SWAP70: variants seen among roughly 807,000 people sequenced by gnomAD.
SWAP70 encodes the protein switch-associated protein 70.
A neutral mutation model predicts 80.2 loss-of-function variants in SWAP70; 34 were observed. The ratio of observed to expected loss-of-function variants is 0.42; its 90% CI spans 0.32 to 0.56. SWAP70 has a LOEUF of 0.56. Ranked by LOEUF, SWAP70 falls within the 20% of genes least tolerant of loss-of-function variation. SWAP70 has a pLI of 0.09. For missense variants in SWAP70, 578 were observed against 690.7 expected (o/e 0.84, Z 1.83); for synonymous variants, 239 against 238.5 (o/e 1.00, Z -0.02).
At chr11:9,693,829 C>T (rs1239983027) in intron 1 of SWAP70, among the ~76,000 whole-genome samples, 1 of 151,994 alleles carries the variant, frequency 6.6e-6, no homozygotes, top group South Asian at 2.1e-4. Flanking sequence ...ACTTCCCCCC[C>T]CACCCCACTT....
At chr11:9,712,209 G>A (rs1368887728) in intron 2 of SWAP70, among the ~76,000 whole-genome samples, 2 of 152,012 alleles carry the variant, frequency 1.3e-5, no homozygotes, top group Admixed American at 1.3e-4. Context: ...TGGGAACATA[G>A]GCCAGTATTA....
chr11:9,719,964 C>T, intron 3 of SWAP70: 1 of 598,320 alleles, frequency 1.7e-6, no homozygotes, highest in Non-Finnish European at 2.1e-6. Context: ...AACTGAAGGC[C>T]TCGAAAATCA....
chr11:9,709,303 G>A (rs948855190), intron 2 of SWAP70, among the ~76,000 whole-genome samples: 7 of 147,440 alleles, frequency 4.7e-5, no homozygotes, highest in Admixed American at 6.7e-5. Context: ...TAAAAAAAAT[G>A]TTTTTGGTAG....
chr11:9,696,428 C>T (rs527759217), intron 2 of SWAP70, among the ~76,000 whole-genome samples: 156 of 152,184 alleles, frequency 1.0e-3, no homozygotes, highest in African/African-American at 3.5e-3. Flanking sequence ...GTCTGATTTT[C>T]CTGGAGTAAC....
In SWAP70 at chr11:9,664,137, C is replaced by CTGGCTGGGCAGGAGGGGT. The variant is rs1356682567; in HGVS notation, c.-38_-21dup. ...GAGGGGCGTCCGAGGCGCGGAGGGG[C>CTGGCTGGGCAGGAGGGGT]TGGCTGGGCAGGAGGGGTTGGCGGG... On this transcript the variant is annotated 5_prime_UTR_variant, in exon 1 of 12. Coordinates refer to ENST00000318950, the MANE Select transcript of SWAP70 (RefSeq NM_015055.4). The CTGGCTGGGCAGGAGGGGT allele has an allele frequency of 9.9e-6, 15 of 1,522,326 alleles. No homozygotes were observed. The highest frequency in any genetic ancestry group is 5.7e-5 in the African/African-American group (4 of 70,560). The allele number at this position is 1,522,326 out of a possible 1,614,324, so 94.3% of individuals were successfully genotyped here.
chr11:9,681,928 G>A (rs920244634), intron 1 of SWAP70, among the ~76,000 whole-genome samples: 4 of 152,202 alleles, frequency 2.6e-5, no homozygotes, highest in African/African-American at 4.8e-5. Flanking sequence ...GAGAGAGAGA[G>A]GAGTTGGGGA....
chr11:9,680,283 G>A (rs139381095), intron 1 of SWAP70, among the ~76,000 whole-genome samples: 1 of 152,182 alleles, frequency 6.6e-6, no homozygotes, highest in Non-Finnish European at 1.5e-5. Context: ...GTGCCATCCA[G>A]TGTTAGCCAG....
Position 9,728,051 on chromosome 11 carries a change from A to G in SWAP70, c.643-2A>G. 1 of 1,587,990 alleles carries G rather than the reference A, an allele frequency of 6.3e-7. No individual in the cohort carries two copies. Among genetic ancestry groups the G allele is most frequent in the Non-Finnish European group, 8.5e-7 (1 of 1,171,160 alleles). The stretch of plus-strand genomic sequence containing the variant: ...ATTTATATCACATTTAATCTTTCAC[A>G]GGGTTACATGATGAAAAAGGGCCAC... On this transcript the variant is annotated splice_acceptor_variant, in intron 4 of 11. Transcript: ENST00000318950. LOFTEE classifies it high-confidence loss of function.
chr11:9,722,865 TA>T (rs1168233473), intron 3 of SWAP70, among the ~76,000 whole-genome samples: 2 of 152,136 alleles, frequency 1.3e-5, no homozygotes, highest in Non-Finnish European at 2.9e-5. Flanking sequence ...TAAAGGGTTG[TA>T]AAAAAACAAA....
chr11:9,720,584 CAT>C lies in SWAP70; in HGVS notation c.415-4073_415-4072del, dbSNP rs34343262. 4,727 of 639,740 alleles carry C rather than the reference CAT, an allele frequency of 7.4e-3. 181 individuals are homozygous for C. In the African/African-American group the frequency reaches 0.086, roughly 12 times the overall value. 39.6% of individuals were successfully genotyped at this position (639,740 alleles called of 1,614,324 possible). On this transcript the variant is annotated intron_variant, in intron 3 of 11. Coordinates refer to ENST00000318950, the MANE Select transcript of SWAP70 (RefSeq NM_015055.4). ...CCCACGTGTAGTCATACTGCACACA[CAT>C]GTGGCTATACACATGTGCTTCCTTT...
chr11:9,713,504 G>A lies in SWAP70; in HGVS notation c.279G>A (p.Met93Ile). The change falls in exon 3 of 12, where the codon ATG becomes ATA. Residue 93 changes from methionine (M) to isoleucine (I), a missense_variant. Transcript: ENST00000318950. ...DNFDKIEFNR[M>I]CWTLCVKKNL... ...TTGACAAGATTGAATTCAATAGGAT[G>A]TGTTGGACCCTCTGTGTCAAAAAAA... 2 of 1,613,860 alleles carry A rather than the reference G, an allele frequency of 1.2e-6. No individual in the cohort carries two copies. The highest frequency in any genetic ancestry group is 8.5e-7 in the Non-Finnish European group (1 of 1,179,928).
intron 1 of SWAP70, among the ~76,000 whole-genome samples, chr11:9,681,453 A>G (rs1850567566): frequency 6.6e-6 from 1 of 152,232 alleles, no homozygotes; most frequent in African/African-American, 2.4e-5. Context: ...TTGACCCTGT[A>G]AAGAGGGTAA....
chr11:9,728,447 A>T, intron 5 of SWAP70, among the ~76,000 whole-genome samples: 1 of 152,214 alleles, frequency 6.6e-6, no homozygotes, highest in East Asian at 1.9e-4. Context: ...GGATTAAATC[A>T]TTTATTGGAA....
At chr11:9,719,376 A>G (rs1851107124) in intron 3 of SWAP70, among the ~76,000 whole-genome samples, 1 of 152,144 alleles carries the variant, frequency 6.6e-6, no homozygotes, top group Admixed American at 6.5e-5. Context: ...CCTGTCTCAA[A>G]AAAAAAGATA....
intron 2 of SWAP70, among the ~76,000 whole-genome samples, chr11:9,694,666 C>T (rs553459238): frequency 6.6e-6 from 1 of 152,320 alleles, no homozygotes; most frequent in Non-Finnish European, 1.5e-5. Flanking sequence ...TGAACAGACA[C>T]TTCTCAAAAG....
Position 9,732,644 on chromosome 11 carries a change from G to A in SWAP70, c.1014G>A (p.Glu338=), listed in dbSNP as rs565003458. The A allele has an allele frequency of 1.1e-5, 17 of 1,577,256 alleles. No homozygotes were observed. In the East Asian group the frequency reaches 3.0e-4, roughly 28 times the overall value. The change falls in exon 7 of 12, where the codon GAG becomes GAA. Residue 338 remains glutamate, a synonymous_variant. Transcript: ENST00000318950. ...AGCTGGCTGAACAAGAGGAACTGGA[G>A]CGACAAATGAAGGAACTCCAGGCCG... ...KKQLAEQEEL[E]RQMKELQAAN...
chr11:9,713,489 T>C lies in SWAP70; in HGVS notation c.264T>C (p.Ile88=), dbSNP rs764373566. 1 of 1,611,910 alleles carries C rather than the reference T, an allele frequency of 6.2e-7. No individual in the cohort carries two copies. The highest frequency in any genetic ancestry group is 8.5e-7 in the Non-Finnish European group (1 of 1,179,350). Reference sequence around the variant, plus strand: ...AGGTCCAAGACAACTTTGACAAGATTGAATTCAATAGGATGTGTTGGACCC... The same window carrying C: ...AGGTCCAAGACAACTTTGACAAGATCGAATTCAATAGGATGTGTTGGACCC... ...LEKVQDNFDK[I]EFNRMCWTLC... The change falls in exon 3 of 12, where the codon ATT becomes ATC. Residue 88 remains isoleucine, a synonymous_variant. Coordinates refer to ENST00000318950, the MANE Select transcript of SWAP70 (RefSeq NM_015055.4).
chr11:9,723,706 C>T (rs930579339), intron 3 of SWAP70, among the ~76,000 whole-genome samples: 1 of 151,370 alleles, frequency 6.6e-6, no homozygotes, highest in Admixed American at 6.6e-5. Flanking sequence ...TAAGAGGTAT[C>T]AATTCTCATT....
chr11:9,705,035 C>G (rs1475436170), intron 2 of SWAP70, among the ~76,000 whole-genome samples: 2 of 150,228 alleles, frequency 1.3e-5, no homozygotes, highest in African/African-American at 4.9e-5. Context: ...TCTGTATACA[C>G]TTGGTGATCT....
Sources: gnomAD v4.1 joint callset for allele counts (sites outside exome capture counted in the v4.1 genomes callset) on GRCh38, gnomAD v4.1.1 for gene constraint, MANE v1.5 for transcripts, NCBI Gene and HGNC (gene_info 2026-07-23, HGNC 2026-07-21) for gene names.